Variants in SLC4A4 observed in about 807,000 individuals in gnomAD.
SLC4A4 encodes the protein solute carrier family 4 member 4.
In SLC4A4, 27 loss-of-function variants were observed where a neutral mutation model predicts 111.5. That is an observed-to-expected ratio of 0.24 (90% CI 0.18 to 0.33). The LOEUF is 0.33. Ranked by LOEUF, SLC4A4 falls within the 10% of genes least tolerant of loss-of-function variation. The probability of loss-of-function intolerance (pLI) is 1.00; values close to 1 mark genes in which losing one functional copy is unlikely to be tolerated. For synonymous variants in SLC4A4, 443 were observed against 463.4 expected (o/e 0.96, Z 0.57); for missense variants, 909 against 1,315.5 (o/e 0.69, Z 4.78).
Position 71,099,704 on chromosome 4 carries a change from T to C in SLC4A4, c.-2+6912T>C, listed in dbSNP as rs111940334. Among the ~76,000 whole-genome samples, 761 of 151,904 alleles carry C rather than the reference T, an allele frequency of 5.0e-3. 10 individuals are homozygous for C. The highest frequency in any genetic ancestry group is 0.018 in the African/African-American group (734 of 41,414). The stretch of plus-strand genomic sequence containing the variant: ...ATTGATAGGCTATTAGCTAGACAAA[T>C]AAAGAAGAAAAGAGAGACGATCCAA... On this transcript the variant is annotated intron_variant, in intron 2 of 26. Coordinates refer to the SLC4A4 transcript ENST00000649996.
At chr4:71,121,913 C>T (rs576080322) in intron 2 of SLC4A4, among the ~76,000 whole-genome samples, 1 of 152,248 alleles carries the variant, frequency 6.6e-6, no homozygotes, top group African/African-American at 2.4e-5. Context: ...CCAGCAAGAC[C>T]AGGAACCCAC....
chr4:71,416,183 G>A (rs1023764218), intron 7 of SLC4A4, among the ~76,000 whole-genome samples: 1 of 152,116 alleles, frequency 6.6e-6, no homozygotes, highest in African/African-American at 2.4e-5. Context: ...TTGAATCTTC[G>A]TTCTGCCTTT....
At chr4:71,154,619 G>A (rs1458876036) in intron 2 of SLC4A4, among the ~76,000 whole-genome samples, 1 of 152,142 alleles carries the variant, frequency 6.6e-6, no homozygotes, top group African/African-American at 2.4e-5. Context: ...ATGTATGTTG[G>A]TGTTGGTTTA....
intron 2 of SLC4A4, among the ~76,000 whole-genome samples, chr4:71,160,787 C>T (rs1300799511): frequency 6.6e-6 from 1 of 152,048 alleles, no homozygotes; most frequent in Non-Finnish European, 1.5e-5. Flanking sequence ...ACCCCCACTA[C>T]CACAACCAAC....
At chr4:71,355,687 G>T (rs1323284149) in intron 5 of SLC4A4, among the ~76,000 whole-genome samples, 1 of 152,130 alleles carries the variant, frequency 6.6e-6, no homozygotes, top group African/African-American at 2.4e-5. Context: ...CTAGCTATAG[G>T]CTGTGAGGCC....
intron 2 of SLC4A4, among the ~76,000 whole-genome samples, chr4:71,110,498 A>C (rs1431647062): frequency 6.6e-6 from 1 of 152,162 alleles, no homozygotes; most frequent in African/African-American, 2.4e-5. Flanking sequence ...GAGCCACTGT[A>C]CCTGGGCAAA....
At chr4:71,324,181 A>G (rs1485117917) in intron 3 of SLC4A4, among the ~76,000 whole-genome samples, 2 of 151,966 alleles carry the variant, frequency 1.3e-5, no homozygotes, top group Non-Finnish European at 2.9e-5. Context: ...TCAAAGCCTC[A>G]TGAATACCAT....
At chr4:71,188,572 T>C (rs74565168) in intron 1 of SLC4A4, among the ~76,000 whole-genome samples, 6,971 of 152,276 alleles carry the variant, frequency 0.046, 204 homozygotes, top group East Asian at 0.1. Context: ...TGTATTTCTC[T>C]TTTTTCTTGT....
chr4:71,138,214 C>T (rs13327940), intron 2 of SLC4A4, among the ~76,000 whole-genome samples: 3,987 of 152,206 alleles, frequency 0.026, 72 homozygotes, highest in Middle Eastern at 0.058. Flanking sequence ...GTGAACTCTT[C>T]GTGGAGGCCA....
intron 1 of SLC4A4, among the ~76,000 whole-genome samples, chr4:71,221,994 T>C (rs751036764): frequency 1.2e-4 from 19 of 152,216 alleles, no homozygotes; most frequent in Non-Finnish European, 2.5e-4. Flanking sequence ...TAAGCAGGTT[T>C]CAGGAAGCAC....
intron 6 of SLC4A4, among the ~76,000 whole-genome samples, chr4:71,390,503 G>T (rs1377923800): frequency 2.0e-5 from 3 of 152,190 alleles, no homozygotes; most frequent in African/African-American, 7.2e-5. Context: ...TGTGGTTTGT[G>T]ACAACTATTT....
intron 1 of SLC4A4, among the ~76,000 whole-genome samples, chr4:71,216,350 T>C (rs1718431373): frequency 6.6e-6 from 1 of 152,232 alleles, no homozygotes; most frequent in Non-Finnish European, 1.5e-5. Context: ...TTTTAAAAAT[T>C]GGCATTTGGG....
At chr4:71,542,675 C>A (rs1735169067) in intron 18 of SLC4A4, among the ~76,000 whole-genome samples, 2 of 152,040 alleles carry the variant, frequency 1.3e-5, no homozygotes, top group South Asian at 4.2e-4. Context: ...CCCATGCAAA[C>A]CATCCCTGAC....
intron 8 of SLC4A4, among the ~76,000 whole-genome samples, 197 bp from the exon 9 acceptor site, chr4:71,447,449 T>C (rs1048029571): frequency 2.0e-5 from 3 of 152,224 alleles, no homozygotes; most frequent in Admixed American, 2.0e-4. Flanking sequence ...TGCCTCCAAA[T>C]AAACTGAACA....
chr4:71,097,414 C>G (rs1299194279), intron 2 of SLC4A4, among the ~76,000 whole-genome samples: 1 of 152,156 alleles, frequency 6.6e-6, no homozygotes, highest in Non-Finnish European at 1.5e-5. Context: ...TTTTCTTTAC[C>G]CATCTGTCAC....
intron 3 of SLC4A4, among the ~76,000 whole-genome samples, chr4:71,308,106 T>G (rs1368496493): frequency 2.0e-5 from 3 of 152,176 alleles, no homozygotes; most frequent in African/African-American, 7.2e-5. Flanking sequence ...TCTTATAGTC[T>G]TCTTTCTCTT....
At chr4:71,225,194 A>T (rs1422959069) in intron 1 of SLC4A4, among the ~76,000 whole-genome samples, 1 of 152,116 alleles carries the variant, frequency 6.6e-6, no homozygotes, top group Non-Finnish European at 1.5e-5. Flanking sequence ...TCTACTAAAA[A>T]TACACAAGTT....
At chr4:71,180,624 G>A (rs996277826) in intron 2 of SLC4A4, among the ~76,000 whole-genome samples, 2 of 152,186 alleles carry the variant, frequency 1.3e-5, no homozygotes, top group African/African-American at 4.8e-5. Context: ...GGCCATCAGA[G>A]AAATGCAAAT....
At position 71,115,124 on chromosome 4, in the gene SLC4A4, G is replaced by A. The variant is rs190507761; in HGVS notation, c.-2+22332G>A. ...CACCGCATATTCTCCCTCATAGGTG[G>A]GAATTGAACAGTGAGATCACATGGA... On this transcript the variant is annotated intron_variant, in intron 2 of 26. Transcript: ENST00000649996. Among the ~76,000 whole-genome samples the A allele has an allele frequency of 9.3e-3, 1,378 of 148,920 alleles. 10 individuals carry two copies. The highest frequency in any genetic ancestry group is 0.048 in the Middle Eastern group (14 of 292).
Sources: gnomAD v4.1 joint callset for allele counts (sites outside exome capture counted in the v4.1 genomes callset) on GRCh38, gnomAD v4.1.1 for gene constraint, MANE v1.5 for transcripts, NCBI Gene and HGNC (gene_info 2026-07-23, HGNC 2026-07-21) for gene names.